RIC8B: variants seen among roughly 807,000 people sequenced by gnomAD.
RIC8B encodes RIC8 guanine nucleotide exchange factor B.
In RIC8B, 16 loss-of-function variants were observed where a neutral mutation model predicts 57.5. The ratio of observed to expected loss-of-function variants is 0.28; its 90% CI spans 0.19 to 0.42. The LOEUF is 0.42. RIC8B is among the 10% of genes least tolerant of loss of function. The pLI, the probability that RIC8B is intolerant of heterozygous loss-of-function variation, is 1.00. For missense variants in RIC8B, 481 were observed against 677.0 expected (o/e 0.71, Z 3.21); for synonymous variants, 216 against 250.8 (o/e 0.86, Z 1.31).
intron 4 of RIC8B, among the ~76,000 whole-genome samples, chr12:106,826,158 G>A (rs531841902): frequency 3.9e-4 from 59 of 152,294 alleles, no homozygotes; most frequent in Non-Finnish European, 6.8e-4. Flanking sequence ...ATTGTGCTAA[G>A]TGCTTTATAA....
chr12:106,823,544 A>T, intron 3 of RIC8B: 1 of 434,230 alleles, frequency 2.3e-6, no homozygotes, highest in South Asian at 1.7e-5. Flanking sequence ...AAAGAGAAAG[A>T]TTATTATATC....
intron 7 of RIC8B, among the ~76,000 whole-genome samples, chr12:106,853,848 A>G (rs1169073669): frequency 6.6e-6 from 1 of 152,188 alleles, no homozygotes; most frequent in Non-Finnish European, 1.5e-5. Context: ...TGTTCAACAA[A>G]TGTTTTTGAA....
chr12:106,828,733 A>G (rs756158706), intron 4 of RIC8B, among the ~76,000 whole-genome samples: 3 of 152,216 alleles, frequency 2.0e-5, no homozygotes, highest in Non-Finnish European at 4.4e-5. Flanking sequence ...TGCTACTTCT[A>G]TTAGTATTAT....
rs76382798 is a variant in RIC8B at position 106,804,085 on chromosome 12, A to G, written c.133-10611A>G. On this transcript the variant is annotated intron_variant, in intron 2 of 9. Transcript: ENST00000392837. ...TTATTAAAACATATGATAATACTGTATGTGGCATGTGTGGTGTAGTTACAA... is the reference window on the plus strand; with the variant it reads ...TTATTAAAACATATGATAATACTGTGTGTGGCATGTGTGGTGTAGTTACAA... Among the ~76,000 whole-genome samples the G allele has an allele frequency of 1.9e-3, 297 of 152,350 alleles. 3 individuals carry two copies. The highest frequency in any genetic ancestry group is 6.8e-3 in the African/African-American group (281 of 41,584).
intron 4 of RIC8B, among the ~76,000 whole-genome samples, chr12:106,830,147 TGAC>T (rs1341795330): frequency 6.6e-6 from 1 of 152,182 alleles, no homozygotes; most frequent in Non-Finnish European, 1.5e-5. Context: ...AAGATTATTT[TGAC>T]TATTCAGAGT....
intron 4 of RIC8B, among the ~76,000 whole-genome samples, chr12:106,840,390 AG>A (rs777236459): frequency 6.6e-6 from 1 of 152,206 alleles, no homozygotes; most frequent in Non-Finnish European, 1.5e-5. Context: ...AATGATCTCT[AG>A]GAAGCTGAAA....
intron 9 of RIC8B, among the ~76,000 whole-genome samples, chr12:106,883,134 C>T (rs928169123): frequency 2.6e-5 from 4 of 151,990 alleles, no homozygotes; most frequent in African/African-American, 9.7e-5. Flanking sequence ...ATGGTATATC[C>T]ACCCAGCAGT....
At chr12:106,796,368 AC>A (rs147424574) in intron 2 of RIC8B, among the ~76,000 whole-genome samples, 3 of 151,698 alleles carry the variant, frequency 2.0e-5, no homozygotes, top group Non-Finnish European at 2.9e-5. Flanking sequence ...TGAGACCCCC[AC>A]CCCCCTCCAT....
chr12:106,785,536 A>G (rs755755431), intron 2 of RIC8B, among the ~76,000 whole-genome samples: 13 of 152,162 alleles, frequency 8.5e-5, no homozygotes, highest in Admixed American at 3.9e-4. Flanking sequence ...CCCAGCACAT[A>G]ATAGGCACTC....
Position 106,852,436 on chromosome 12 carries a change from G to A in RIC8B, c.1306+842G>A, listed in dbSNP as rs78725280. ...CTCCTCCTAAAATCTTAAGTCAATT[G>A]TTATTCTTAAACTTCATTTCTGATG... On this transcript the variant is annotated intron_variant, in intron 7 of 9. Coordinates refer to ENST00000392837, the MANE Select transcript of RIC8B (RefSeq NM_001330145.2). Among the ~76,000 whole-genome samples, 92 of 152,248 alleles carry A rather than the reference G, an allele frequency of 6.0e-4. No individual in the cohort carries two copies. In the East Asian group the frequency reaches 0.014, roughly 23 times the overall value.
At chr12:106,813,023 A>G (rs1291867450) in intron 2 of RIC8B, among the ~76,000 whole-genome samples, 1 of 152,072 alleles carries the variant, frequency 6.6e-6, no homozygotes, top group Admixed American at 6.6e-5. Context: ...TACTCAAGGA[A>G]AAAAAGGATA....
chr12:106,871,052 G>A, intron 9 of RIC8B, 110 bp downstream of exon 9: 2 of 1,112,938 alleles, frequency 1.8e-6, no homozygotes, highest in Non-Finnish European at 2.5e-6. Context: ...CATGTTGATT[G>A]GAATAGGGTG....
intron 2 of RIC8B, among the ~76,000 whole-genome samples, chr12:106,791,366 C>T (rs2044252242): frequency 1.3e-5 from 2 of 152,004 alleles, no homozygotes; most frequent in South Asian, 2.1e-4. Context: ...ATAATTATAA[C>T]GTTACAATAT....
chr12:106,828,576 AT>A (rs1476114415), intron 4 of RIC8B, among the ~76,000 whole-genome samples: 1 of 152,140 alleles, frequency 6.6e-6, no homozygotes, highest in African/African-American at 2.4e-5. Flanking sequence ...AGCACAGTGT[AT>A]GGTTGTGCGT....
chr12:106,870,094 G>A (rs865926946), intron 8 of RIC8B, among the ~76,000 whole-genome samples: 38 of 148,910 alleles, frequency 2.6e-4, no homozygotes, highest in Middle Eastern at 3.5e-3. Context: ...AAAAAAAAAA[G>A]TATGGCTTTT....
At chr12:106,847,578 C>T (rs1949261793) in intron 6 of RIC8B, among the ~76,000 whole-genome samples, 1 of 152,092 alleles carries the variant, frequency 6.6e-6, no homozygotes, top group African/African-American at 2.4e-5. Flanking sequence ...AGATAGGTTA[C>T]TCAATTTTGT....
chr12:106,779,664 GAC>G (rs2043659562), intron 1 of RIC8B, among the ~76,000 whole-genome samples: 1 of 144,998 alleles, frequency 6.9e-6, no homozygotes, highest in East Asian at 2.0e-4. Flanking sequence ...GTTCAACACA[GAC>G]ACACACAAAA....
At chr12:106,818,060 C>A (rs1396099250) in intron 3 of RIC8B, among the ~76,000 whole-genome samples, 1 of 152,020 alleles carries the variant, frequency 6.6e-6, no homozygotes, top group African/African-American at 2.4e-5. Flanking sequence ...CATTTTTTTC[C>A]TTTTTATGAA....
chr12:106,806,189 C>T (rs1009779917), intron 2 of RIC8B, among the ~76,000 whole-genome samples: 2 of 152,146 alleles, frequency 1.3e-5, no homozygotes, highest in East Asian at 1.9e-4. Flanking sequence ...TCAGGTGATC[C>T]GCCCACCTCG....
Sources: gnomAD v4.1 joint callset for allele counts (sites outside exome capture counted in the v4.1 genomes callset) on GRCh38, gnomAD v4.1.1 for gene constraint, MANE v1.5 for transcripts, NCBI Gene and HGNC (gene_info 2026-07-23, HGNC 2026-07-21) for gene names.